Variants in ETV1 observed in about 807,000 individuals in gnomAD.
The protein encoded by ETV1 is ETS translocation variant 1.
A neutral mutation model predicts 62.3 loss-of-function variants in ETV1; 27 were observed. That is an observed-to-expected ratio of 0.43 (90% confidence interval 0.32 to 0.60). The LOEUF (loss-of-function observed/expected upper bound fraction) is 0.60, where lower values mean the gene tolerates loss of function less well. Ranked by LOEUF, ETV1 falls within the 20% of genes least tolerant of loss-of-function variation. The probability of loss-of-function intolerance (pLI) is 0.06; values close to 1 mark genes in which losing one functional copy is unlikely to be tolerated. For missense variants in ETV1, 605 were observed against 605.8 expected (o/e 1.00, Z 0.01); for synonymous variants, 222 against 199.6 (o/e 1.11, Z -0.94).
intron 6 of ETV1, among the ~76,000 whole-genome samples, chr7:13,970,359 A>G (rs373600181): frequency 6.6e-6 from 1 of 151,310 alleles, no homozygotes; most frequent in South Asian, 2.1e-4. Context: ...ACCCAAAAGA[A>G]ACTCAGAACC....
chr7:13,989,917 G>T (rs564216858), upstream of ETV1: 1 of 267,784 alleles, frequency 3.7e-6, no homozygotes, highest in Non-Finnish European at 6.9e-6. Flanking sequence ...TCTGTAACCC[G>T]CTGCTTATTG....
chr7:13,976,902 G>A (rs1225208457), intron 6 of ETV1, among the ~76,000 whole-genome samples: 1 of 152,160 alleles, frequency 6.6e-6, no homozygotes, highest in Non-Finnish European at 1.5e-5. Context: ...CTGCAACCAG[G>A]AAGCAGAAAA....
Position 13,896,031 on chromosome 7 carries a change from G to C in ETV1, c.1269C>G (p.Ser423=), listed in dbSNP as rs771636113. 2.5e-6 allele frequency: 4 copies of C among 1,613,644 alleles called. No homozygotes were observed. The highest frequency in any genetic ancestry group is 3.4e-6 in the Non-Finnish European group (4 of 1,179,834). ...KFVCDPEALF[S]MAFPDNQRPL... is the part of the protein sequence containing the mutation. ...GACGCTGATTATCTGGAAAGGCCAT[G>C]GAGAAAAGGGCTTCTGGATCACACA... is the stretch of plus-strand genomic sequence containing the variant. The change falls in exon 14 of 14, where the codon TCC becomes TCG. Residue 423 remains serine, a synonymous_variant. Transcript: ENST00000430479.
intron 4 of ETV1, among the ~76,000 whole-genome samples, chr7:13,987,526 T>C (rs185009464): frequency 6.7e-4 from 102 of 152,294 alleles, no homozygotes; most frequent in African/African-American, 2.3e-3. Flanking sequence ...AATAGTATTA[T>C]AATTATTAAG....
chr7:13,959,883 A>T (rs1789958971), intron 6 of ETV1, among the ~76,000 whole-genome samples: 1 of 50,918 alleles, frequency 2.0e-5, no homozygotes, highest in Non-Finnish European at 3.9e-5. Context: ...ATTCTGTCTC[A>T]AAAAAAAAAA....
intron 12 of ETV1, among the ~76,000 whole-genome samples, chr7:13,902,622 G>C (rs978136268): frequency 1.3e-5 from 2 of 152,120 alleles, no homozygotes; most frequent in Non-Finnish European, 2.9e-5. Flanking sequence ...AATAGGCATA[G>C]CAGCCGAACT....
intron 5 of ETV1, chr7:13,986,164 A>C: frequency 6.3e-7 from 1 of 1,594,602 alleles, no homozygotes. Context: ...CTTGCACTTA[A>C]ATCTTGAAGC....
At chr7:13,934,487 T>C (rs1786556944) in intron 8 of ETV1, among the ~76,000 whole-genome samples, 1 of 152,230 alleles carries the variant, frequency 6.6e-6, no homozygotes, top group African/African-American at 2.4e-5. Context: ...AGAAGATTCC[T>C]TTGGCTGAGT....
chr7:13,962,938 T>G (rs1790358218), intron 6 of ETV1, among the ~76,000 whole-genome samples: 1 of 152,184 alleles, frequency 6.6e-6, no homozygotes, highest in Non-Finnish European at 1.5e-5. Flanking sequence ...CGTCTTTAAT[T>G]CACTTGTATA....
intron 9 of ETV1, among the ~76,000 whole-genome samples, chr7:13,921,596 A>C (rs957470942): frequency 6.6e-6 from 1 of 152,190 alleles, no homozygotes; most frequent in African/African-American, 2.4e-5. Flanking sequence ...ACAGAAAAGG[A>C]AGAGGATAAA....
chr7:13,953,367 G>T (rs1789046956), intron 6 of ETV1, among the ~76,000 whole-genome samples: 1 of 152,156 alleles, frequency 6.6e-6, no homozygotes, highest in Non-Finnish European at 1.5e-5. Flanking sequence ...CCACTTTGCT[G>T]TAATAGGGAC....
At chr7:13,948,722 A>G (rs918107729) in intron 6 of ETV1, among the ~76,000 whole-genome samples, 1 of 152,344 alleles carries the variant, frequency 6.6e-6, no homozygotes, top group Admixed American at 6.5e-5. Context: ...CTCTTTACAG[A>G]GAAAAGTTTG....
Position 13,911,276 on chromosome 7 carries a change from C to T in ETV1, c.834G>A (p.Arg278=), listed in dbSNP as rs762863501. Reference sequence around the variant, plus strand: ...TGGGATGAGCCAGGAAGCCTTCTTGCCTCATATAAATGGAGTGGCAGCTAG... The same window carrying T: ...TGGGATGAGCCAGGAAGCCTTCTTGTCTCATATAAATGGAGTGGCAGCTAG... ...EVPSCHSIYM[R]QEGFLAHPSR... Residue 278 remains arginine, a synonymous_variant, in exon 10 of 14, where the codon AGG becomes AGA. Transcript: ENST00000430479. 33 of 1,612,764 alleles carry T rather than the reference C, an allele frequency of 2.0e-5. No homozygotes were observed. Among genetic ancestry groups the T allele is most frequent in the Admixed American group, 1.0e-4 (6 of 59,956 alleles).
chr7:13,977,590 T>A, intron 5 of ETV1, 110 bp from the exon 6 acceptor site: 1 of 721,892 alleles, frequency 1.4e-6, no homozygotes, highest in Non-Finnish European at 2.3e-6. Flanking sequence ...AGATCAAACC[T>A]ATGATTATTT....
chr7:13,983,688 A>G (rs1189472702), intron 5 of ETV1, among the ~76,000 whole-genome samples: 1 of 147,174 alleles, frequency 6.8e-6, no homozygotes, highest in Admixed American at 6.9e-5. Context: ...AGAATAAGAT[A>G]ATTGTTTTAA....
At chr7:13,957,159 C>A (rs1487650748) in intron 6 of ETV1, among the ~76,000 whole-genome samples, 5 of 152,070 alleles carry the variant, frequency 3.3e-5, no homozygotes, top group African/African-American at 9.7e-5. Context: ...GATCTCAGCT[C>A]ACTCCAAGTT....
intron 12 of ETV1, among the ~76,000 whole-genome samples, chr7:13,904,129 G>T (rs1448472670): frequency 6.6e-6 from 1 of 152,114 alleles, no homozygotes; most frequent in Non-Finnish European, 1.5e-5. Context: ...CCTTTCCAAA[G>T]AAGAAATTTA....
chr7:13,932,065 CACACA>C (rs1446919910), intron 8 of ETV1, among the ~76,000 whole-genome samples: 4 of 151,654 alleles, frequency 2.6e-5, no homozygotes, highest in African/African-American at 9.7e-5. Context: ...CACACACACA[CACACA>C]ACGATTAATG....
intron 6 of ETV1, among the ~76,000 whole-genome samples, chr7:13,965,090 G>A (rs1429648025): frequency 1.3e-5 from 2 of 152,152 alleles, no homozygotes; most frequent in Admixed American, 6.6e-5. Flanking sequence ...CCAAACGGCT[G>A]TTCTCCTCCA....
Sources: gnomAD v4.1 joint callset for allele counts (sites outside exome capture counted in the v4.1 genomes callset) on GRCh38, gnomAD v4.1.1 for gene constraint, MANE v1.5 for transcripts, NCBI Gene and HGNC (gene_info 2026-07-23, HGNC 2026-07-21) for gene names.